The following SEC23IP variants were observed in gnomAD, a reference collection of about 807,000 sequenced individuals.
The protein encoded by SEC23IP is SEC23 interacting protein.
SEC23IP carries 70 observed loss-of-function variants against 113.4 expected under a neutral mutation model. That is an observed-to-expected ratio of 0.62 (90% CI 0.51 to 0.75). The LOEUF is 0.75. Ranked by LOEUF, SEC23IP falls within the 30% of genes least tolerant of loss-of-function variation. The pLI is 0.00. For missense variants in SEC23IP, 1,160 were observed against 1,204.9 expected, an observed-to-expected ratio of 0.96 and a Z score of 0.55; for synonymous variants, 398 against 421.0, an observed-to-expected ratio of 0.95 and a Z score of 0.67.
intron 12 of SEC23IP, among the ~76,000 whole-genome samples, chr10:119,923,123 A>G (rs1256885413): frequency 6.6e-6 from 1 of 152,216 alleles, no homozygotes; most frequent in African/African-American, 2.4e-5. Context: ...GTTCTTGAAG[A>G]ATTTCTAGAA....
rs749318320 is a variant in SEC23IP at position 119,898,521 on chromosome 10, A to T, written c.258A>T (p.Val86=). The change falls in exon 2 of 19, where the codon GTA becomes GTT. Residue 86 remains valine, a synonymous_variant. Transcript: ENST00000369075. ...APQTFSYFSQ[V]SSSSDPFGNI... ...AGACATTTAGTTACTTCTCTCAGGTATCAAGCAGCAGTGATCCTTTTGGGA... is the reference window on the plus strand; with the variant it reads ...AGACATTTAGTTACTTCTCTCAGGTTTCAAGCAGCAGTGATCCTTTTGGGA... The T allele has an allele frequency of 6.2e-7, 1 of 1,614,176 alleles. No individual in the cohort carries two copies. Among genetic ancestry groups the T allele is most frequent in the Non-Finnish European group, 8.5e-7 (1 of 1,180,024 alleles).
At position 119,904,134 on chromosome 10, in the gene SEC23IP, G is replaced by T; in HGVS notation, c.958G>T (p.Asp320Tyr). 6.2e-7 allele frequency: 1 copy of T among 1,614,234 alleles called. No individual in the cohort carries two copies. Among genetic ancestry groups the T allele is most frequent in the Non-Finnish European group, 8.5e-7 (1 of 1,180,046 alleles). Residue 320 changes from aspartate (D) to tyrosine (Y), a missense_variant, in exon 4 of 19, where the codon GAT (aspartate) becomes TAT (tyrosine). By Grantham distance (160) the Asp-to-Tyr change is radical. Transcript: ENST00000369075. ...VVLGTDGGRY[D>Y]VYLYDRIRKA... ...TCTTGGCACGGATGGAGGGCGCTAC[G>T]ATGTTTACCTCTATGACCGAATAAG...
intron 6 of SEC23IP, among the ~76,000 whole-genome samples, chr10:119,914,003 T>C (rs530091803): frequency 6.6e-6 from 1 of 151,698 alleles, no homozygotes. Context: ...AAAATACATA[T>C]ATAAAAATTA....
intron 8 of SEC23IP, among the ~76,000 whole-genome samples, chr10:119,916,255 C>A (rs1010646910): frequency 6.6e-6 from 1 of 152,168 alleles, no homozygotes; most frequent in African/African-American, 2.4e-5. Flanking sequence ...AAAATCACCC[C>A]TGGCTGAGAA....
chr10:119,932,544 C>T (rs1271419635), intron 16 of SEC23IP, among the ~76,000 whole-genome samples: 1 of 152,138 alleles, frequency 6.6e-6, no homozygotes, highest in Non-Finnish European at 1.5e-5. Context: ...ACTTTTTCCT[C>T]TGCAATTTAA....
At chr10:119,936,869 C>CT (rs1855805538) in intron 18 of SEC23IP, among the ~76,000 whole-genome samples, 1 of 151,324 alleles carries the variant, frequency 6.6e-6, no homozygotes, top group South Asian at 2.1e-4. Flanking sequence ...GGGTCCTTTT[C>CT]TTTCTTTATT....
chr10:119,933,167 G>A lies in SEC23IP; in HGVS notation c.2921G>A (p.Trp974Ter), dbSNP rs979531196. 1 of 1,611,986 alleles carries A rather than the reference G, an allele frequency of 6.2e-7. No homozygotes were observed. The highest frequency in any genetic ancestry group is 1.3e-5 in the African/African-American group (1 of 74,838). The change falls in exon 17 of 19, where the codon TGG becomes TAG. Residue 974 changes from tryptophan to a stop codon, truncating the protein, a stop_gained and splice_region_variant. Coordinates refer to ENST00000369075, the MANE Select transcript of SEC23IP (RefSeq NM_007190.4). LOFTEE classifies it high-confidence loss of function. ...LFALQSHLCY[W>*]ESEDTALLLL... ...GCTCTTCAGAGTCACTTATGCTATTGGTAAGTGTTCTTAAATTTGGTAACA... is the reference window on the plus strand; with the variant it reads ...GCTCTTCAGAGTCACTTATGCTATTAGTAAGTGTTCTTAAATTTGGTAACA...
At chr10:119,921,277 CAAAT>C (rs987368895) in intron 12 of SEC23IP, among the ~76,000 whole-genome samples, 3 of 152,160 alleles carry the variant, frequency 2.0e-5, no homozygotes, top group African/African-American at 4.8e-5. Flanking sequence ...TAAGTTCTGA[CAAAT>C]AAATTCTCAG....
At chr10:119,931,437 T>G (rs181164973) in intron 15 of SEC23IP, among the ~76,000 whole-genome samples, 39 of 151,506 alleles carry the variant, frequency 2.6e-4, no homozygotes, top group Non-Finnish European at 4.0e-4. Context: ...AGGCCTCAAA[T>G]GATTCTCTCT....
At chr10:119,934,523 GTCC>G (rs1564926717) in intron 18 of SEC23IP, among the ~76,000 whole-genome samples, 2 of 152,204 alleles carry the variant, frequency 1.3e-5, no homozygotes, top group African/African-American at 4.8e-5. Context: ...ATTCCTAACT[GTCC>G]TCCTGAGACA....
At position 119,902,913 on chromosome 10, in the gene SEC23IP, C is replaced by T. The variant is rs1435742395; in HGVS notation, c.811C>T (p.Pro271Ser). The T allele has an allele frequency of 6.2e-7, 1 of 1,614,002 alleles. No individual in the cohort carries two copies. Among genetic ancestry groups the T allele is most frequent in the Non-Finnish European group, 8.5e-7 (1 of 1,179,988 alleles). Residue 271 changes from proline to serine, a missense_variant, in exon 3 of 19, where the codon CCC (proline) becomes TCC (serine). By Grantham distance (74) the Pro-to-Ser change is moderately conservative (BLOSUM62 -1). Coordinates refer to ENST00000369075, the MANE Select transcript of SEC23IP (RefSeq NM_007190.4). ...TCAAAACCAATATGAGCCTGTTCAG[C>T]CCCACTGGTTTTACTGCAAGGAGGT... ...LLQNQYEPVQPHWFYCKEVEY... is the reference protein window; with the variant it reads ...LLQNQYEPVQSHWFYCKEVEY...
intron 5 of SEC23IP, 145 bp downstream of exon 5, chr10:119,909,275 A>G (rs11594697): frequency 0.065 from 39,861 of 610,540 alleles, 1,649 homozygotes; most frequent in Non-Finnish European, 0.085. Context: ...CTTTATTATT[A>G]TAGTGGATAA....
At chr10:119,938,728 A>G (rs563344417) in intron 18 of SEC23IP, among the ~76,000 whole-genome samples, 85 of 152,214 alleles carry the variant, frequency 5.6e-4, no homozygotes, top group Admixed American at 2.5e-3. Flanking sequence ...AACAAAACCA[A>G]AAGAATAGTA....
rs1482795212 is a variant in SEC23IP, at chr10:119,915,855, A to G, written c.1510A>G (p.Ser504Gly). ...RVEFLPVHWH[S>G]SLGGDATGVD... ...GGAGTTCCTTCCAGTTCATTGGCAT[A>G]GTTCTTTGGGTGGGGACGCCACAGG... The change falls in exon 8 of 19, where the codon AGT becomes GGT. Residue 504 changes from serine to glycine, a missense_variant. Transcript: ENST00000369075. The G allele has an allele frequency of 2.5e-6, 4 of 1,589,438 alleles. No individual in the cohort carries two copies. The highest frequency in any genetic ancestry group is 1.7e-4 in the Middle Eastern group (1 of 5,988).
intron 3 of SEC23IP, among the ~76,000 whole-genome samples, chr10:119,903,638 T>A (rs1207478417): frequency 6.6e-6 from 1 of 152,250 alleles, no homozygotes; most frequent in African/African-American, 2.4e-5. Flanking sequence ...CAGCACAGAT[T>A]AATCTTAAAC....
chr10:119,900,295 GTGTA>G (rs1164565317), intron 2 of SEC23IP, among the ~76,000 whole-genome samples: 543 of 151,104 alleles, frequency 3.6e-3, no homozygotes, highest in African/African-American at 0.012. Context: ...GTGTGTGTGT[GTGTA>G]TATATATATA....
In SEC23IP at chr10:119,932,287, C is replaced by A; in HGVS notation, c.2727C>A (p.Ile909=). The A allele has an allele frequency of 6.2e-7, 1 of 1,612,118 alleles. No homozygotes were observed. The highest frequency in any genetic ancestry group is 2.2e-5 in the East Asian group (1 of 44,842). ...AATTGGAGAAGGTGGCCAATCAGAT[C>A]AAAGAAGAAGAAGAAAAGCAAGTAG... ...QEELEKVANQ[I]KEEEEKQVVE... Residue 909 remains isoleucine, a synonymous_variant, in exon 16 of 19, where the codon ATC becomes ATA. Coordinates refer to ENST00000369075, the MANE Select transcript of SEC23IP (RefSeq NM_007190.4).
At chr10:119,897,817 G>A (rs963449199) in intron 1 of SEC23IP, among the ~76,000 whole-genome samples, 3 of 151,702 alleles carry the variant, frequency 2.0e-5, no homozygotes, top group African/African-American at 7.3e-5. Context: ...GGTCAACATG[G>A]TGAAACTTCA....
chr10:119,932,436 T>A (rs1482810610), intron 16 of SEC23IP, 118 bp downstream of exon 16: 9 of 728,988 alleles, frequency 1.2e-5, no homozygotes, highest in Middle Eastern at 3.7e-4. Context: ...TAGAAGCTCT[T>A]TAAAGGAAAA....
Sources: gnomAD v4.1 joint callset for allele counts (sites outside exome capture counted in the v4.1 genomes callset) on GRCh38, gnomAD v4.1.1 for gene constraint, MANE v1.5 for transcripts, NCBI Gene and HGNC (gene_info 2026-07-23, HGNC 2026-07-21) for gene names.